INPP4B: variants seen among roughly 807,000 people sequenced by gnomAD.
The protein encoded by INPP4B is inositol polyphosphate-4-phosphatase type II B, also known as inositol polyphosphate 4-phosphatase type II.
A neutral mutation model predicts 122.5 loss-of-function variants in INPP4B; 55 were observed. That is an observed-to-expected ratio of 0.45 (90% confidence interval 0.36 to 0.56). INPP4B has a LOEUF of 0.56. Ranked by LOEUF, INPP4B falls within the 20% of genes least tolerant of loss-of-function variation. The pLI, the probability that INPP4B is intolerant of heterozygous loss-of-function variation, is 0.00. For missense variants in INPP4B, 1,000 were observed against 1,097.7 expected (o/e 0.91, Z 1.26); for synonymous variants, 403 against 388.7 (o/e 1.04, Z -0.43).
At chr4:142,147,291 A>G (rs1811310681) in intron 17 of INPP4B, among the ~76,000 whole-genome samples, 1 of 152,234 alleles carries the variant, frequency 6.6e-6, no homozygotes, top group Non-Finnish European at 1.5e-5. Flanking sequence ...GCTACTTCAT[A>G]AACATATAAA....
chr4:142,434,308 C>T (rs115857152), intron 3 of INPP4B, among the ~76,000 whole-genome samples: 123 of 152,306 alleles, frequency 8.1e-4, no homozygotes, highest in African/African-American at 2.8e-3. Context: ...GAGACCAAGT[C>T]AGGGTTCAGG....
chr4:142,119,822 CACAT>C lies in INPP4B; in HGVS notation c.2135+2302_2135+2305del, dbSNP rs76663961. On this transcript the variant is annotated intron_variant, in intron 21 of 25. Transcript: ENST00000262992. ...ACACACACACACACACACACACACA[CACAT>C]ACACATATATATACATATATACGTA... is the stretch of plus-strand genomic sequence containing the variant. Among the ~76,000 whole-genome samples the C allele has an allele frequency of 4.2e-3, 38 of 8,992 alleles. No homozygotes were observed. In the South Asian group the frequency reaches 0.062, roughly 15 times the overall value. The allele number at this position is 8,992 out of a possible 152,430, so 5.9% of individuals were successfully genotyped here.
chr4:142,449,278 A>T (rs1813620823), intron 3 of INPP4B, among the ~76,000 whole-genome samples: 1 of 152,196 alleles, frequency 6.6e-6, no homozygotes, highest in African/African-American at 2.4e-5. Flanking sequence ...GGATCTAGCA[A>T]GACCAAACAG....
rs551064058 is a variant in INPP4B, at chr4:142,116,662, G to C, written c.2136-3980C>G. Among the ~76,000 whole-genome samples the C allele has an allele frequency of 1.3e-3, 197 of 152,302 alleles. 2 individuals carry two copies. Among genetic ancestry groups the C allele is most frequent in the Admixed American group, 4.3e-3 (65 of 15,286 alleles). On this transcript the variant is annotated intron_variant, in intron 21 of 25. Coordinates refer to ENST00000262992, the MANE Select transcript of INPP4B (RefSeq NM_001101669.3). ...AGAATCTCTGGACACATTTAAAGCA[G>C]TGTGTAGAGGGAAATGTATAGCAAC...
At chr4:142,758,902 G>A (rs1190609370) in intron 1 of INPP4B, among the ~76,000 whole-genome samples, 1 of 149,408 alleles carries the variant, frequency 6.7e-6, no homozygotes, top group Non-Finnish European at 1.5e-5. Context: ...GCAGGGAGCT[G>A]AGAATGTGCC....
intron 12 of INPP4B, among the ~76,000 whole-genome samples, chr4:142,213,390 G>A (rs1021205259): frequency 1.3e-5 from 2 of 152,146 alleles, no homozygotes; most frequent in African/African-American, 4.8e-5. Context: ...TTTGGAAAGG[G>A]AGGCCATGTC....
intron 9 of INPP4B, among the ~76,000 whole-genome samples, chr4:142,298,030 G>C (rs1759556915): frequency 1.3e-5 from 2 of 152,258 alleles, no homozygotes; most frequent in East Asian, 3.9e-4. Context: ...TGGTGACTAA[G>C]CTCGGACTTG....
chr4:142,236,176 C>T (rs867917886), intron 12 of INPP4B, among the ~76,000 whole-genome samples: 2 of 152,170 alleles, frequency 1.3e-5, no homozygotes, highest in African/African-American at 2.4e-5. Flanking sequence ...CTGTCTTCAA[C>T]CCTTCAGGAT....
intron 21 of INPP4B, among the ~76,000 whole-genome samples, chr4:142,114,027 A>G (rs1244717081): frequency 2.0e-5 from 3 of 151,834 alleles, no homozygotes; most frequent in African/African-American, 7.3e-5. Flanking sequence ...AATGAATTTT[A>G]TTTTTCTGCA....
intron 12 of INPP4B, among the ~76,000 whole-genome samples, chr4:142,222,921 A>C (rs1335056589): frequency 6.6e-6 from 1 of 152,212 alleles, no homozygotes; most frequent in Non-Finnish European, 1.5e-5. Context: ...GCTCTGATAC[A>C]TTGTTTTACC....
At chr4:142,494,805 G>T (rs552285997) in intron 2 of INPP4B, among the ~76,000 whole-genome samples, 2 of 151,940 alleles carry the variant, frequency 1.3e-5, no homozygotes, top group African/African-American at 4.8e-5. Flanking sequence ...GGACACCTCC[G>T]TCCCAAATTC....
chr4:142,179,832 C>T lies in INPP4B; in HGVS notation c.1182-6023G>A, dbSNP rs149057144. Among the ~76,000 whole-genome samples, 18 of 152,240 alleles carry T rather than the reference C, an allele frequency of 1.2e-4. No homozygotes were observed. The East Asian group carries it at 2.7e-3, about 23-fold the overall frequency. On this transcript the variant is annotated intron_variant, in intron 15 of 25. Transcript: ENST00000262992. ...TTCCTGGCCTATTCCCACTTATCCA[C>T]GAGTTCACTTGCTTTGATTTCGTTT... is the stretch of plus-strand genomic sequence containing the variant.
chr4:142,429,474 T>C (rs1025387437), intron 4 of INPP4B, among the ~76,000 whole-genome samples: 4 of 152,064 alleles, frequency 2.6e-5, no homozygotes, highest in Admixed American at 2.6e-4. Flanking sequence ...AATGTTTTTG[T>C]AAGCCATGGC....
rs1040242151 is a variant in INPP4B, at chr4:142,612,822, T to C, written c.-191+113017A>G. On this transcript the variant is annotated intron_variant, in intron 2 of 25. Transcript: ENST00000262992. ...TGTTAGGATTTAACACCCTATGAAA[T>C]TGGTGGAAAAGAAGCATTCAGTCTG... 5.9e-5 allele frequency among the ~76,000 whole-genome samples: 9 copies of C among 152,082 alleles called. No homozygotes were observed. In the East Asian group the frequency reaches 1.3e-3, roughly 23 times the overall value.
chr4:142,118,239 A>T (rs554890407), intron 21 of INPP4B, among the ~76,000 whole-genome samples: 1 of 152,192 alleles, frequency 6.6e-6, no homozygotes, highest in African/African-American at 2.4e-5. Context: ...TATAGATTCA[A>T]TGCCAACCCC....
intron 18 of INPP4B, among the ~76,000 whole-genome samples, chr4:142,144,315 T>C (rs1809502881): frequency 6.6e-6 from 1 of 151,560 alleles, no homozygotes; most frequent in Non-Finnish European, 1.5e-5. Flanking sequence ...GTGAGAAGTT[T>C]TGGCAACATT....
chr4:142,134,051 A>C (rs1802701527), intron 18 of INPP4B, among the ~76,000 whole-genome samples: 1 of 152,214 alleles, frequency 6.6e-6, no homozygotes, highest in South Asian at 2.1e-4. Flanking sequence ...CTAGAGCATA[A>C]ACTTCAGGAG....
intron 5 of INPP4B, among the ~76,000 whole-genome samples, chr4:142,417,886 T>C (rs1457529078): frequency 6.6e-6 from 1 of 152,150 alleles, no homozygotes; most frequent in Admixed American, 6.6e-5. Flanking sequence ...AATCTCCTTA[T>C]GTCAGTCTAT....
At chr4:142,382,298 CAGG>C in intron 7 of INPP4B, among the ~76,000 whole-genome samples, 1 of 151,910 alleles carries the variant, frequency 6.6e-6, no homozygotes, top group African/African-American at 2.4e-5. Context: ...CACCTGAGAT[CAGG>C]AGTTCATGAA....
Sources: allele counts gnomAD v4.1 joint callset (sites outside exome capture counted in the v4.1 genomes callset), GRCh38; gene constraint gnomAD v4.1.1; transcripts MANE v1.5; gene names NCBI Gene and HGNC (gene_info 2026-07-23, HGNC 2026-07-21).